Variants in RYR2 observed in about 807,000 individuals in gnomAD.
The protein encoded by RYR2 is ryanodine receptor 2.
RYR2 carries 227 observed loss-of-function variants against 601.1 expected under a neutral mutation model. That is an observed-to-expected ratio of 0.38 (90% confidence interval 0.34 to 0.42). The LOEUF (loss-of-function observed/expected upper bound fraction) is 0.42. Ranked by LOEUF, RYR2 falls within the 10% of genes least tolerant of loss-of-function variation. RYR2 has a pLI of 1.00. For missense variants in RYR2, 4,646 were observed against 6,156.5 expected (o/e 0.75, Z 8.21); for synonymous variants, 2,223 against 2,175.1 (o/e 1.02, Z -0.61).
chr1:237,208,581 T>G (rs1445956158), intron 1 of RYR2, among the ~76,000 whole-genome samples: 1 of 152,090 alleles, frequency 6.6e-6, no homozygotes, highest in African/African-American at 2.4e-5. Context: ...GGTGGCATAA[T>G]TGTCAAAAAT....
chr1:237,813,267 C>T (rs1200403490), intron 100 of RYR2, among the ~76,000 whole-genome samples: 8 of 152,220 alleles, frequency 5.3e-5, no homozygotes, highest in East Asian at 1.9e-4. Context: ...GACAAACACC[C>T]GACAAAATTT....
At chr1:237,831,088 A>C (rs1045171795) in intron 103 of RYR2, among the ~76,000 whole-genome samples, 1 of 152,198 alleles carries the variant, frequency 6.6e-6, no homozygotes, top group Non-Finnish European at 1.5e-5. Context: ...GATTAGCCAA[A>C]AGTATAGTTT....
intron 2 of RYR2, among the ~76,000 whole-genome samples, chr1:237,285,748 GCTAGGAGGGTTGTATTTTT>G (rs2149399469): frequency 6.6e-6 from 1 of 152,220 alleles, no homozygotes; most frequent in East Asian, 1.9e-4. Context: ...CCTGATTTAA[GCTAGGAGGGTTGTATTTTT>G]CCAGGAATTC....
chr1:237,648,863 G>A (rs1025842716), intron 49 of RYR2, among the ~76,000 whole-genome samples: 1 of 152,144 alleles, frequency 6.6e-6, no homozygotes, highest in African/African-American at 2.4e-5. Context: ...TTCTGATAAG[G>A]TGCTATATGG....
chr1:237,745,203 G>A (rs1443158181), intron 80 of RYR2, among the ~76,000 whole-genome samples: 1 of 152,092 alleles, frequency 6.6e-6, no homozygotes, highest in African/African-American at 2.4e-5. Flanking sequence ...TATACTATCA[G>A]ATGCAGCTCT....
rs1246253998 is a variant in RYR2, at chr1:237,784,302, TC to T, written c.12591del (p.Phe4198LeufsTer14). On this transcript the variant is annotated frameshift_variant, in exon 90 of 105. Transcript: ENST00000366574. LOFTEE classifies it high-confidence loss of function. The surrounding 1 kb of genome is among the most constrained non-coding windows in gnomAD (Gnocchi z 7.1). ...TTTGTGAACTTCTGCGAGGACACCATCTTTGAAATGCAGCTGGCGGCTCAGA... is the reference window on the plus strand; with the variant it reads ...TTTGTGAACTTCTGCGAGGACACCATTTTGAAATGCAGCTGGCGGCTCAGA... The part of the protein sequence containing the change: ...ELFVNFCEDT[I>X]FEMQLAAQIS... 6.2e-7 allele frequency: 1 copy of T among 1,613,632 alleles called. No individual in the cohort carries two copies. The highest frequency in any genetic ancestry group is 1.7e-5 in the Admixed American group (1 of 59,964).
chr1:237,777,709 C>T (rs1283927107), intron 87 of RYR2, among the ~76,000 whole-genome samples: 2 of 152,108 alleles, frequency 1.3e-5, no homozygotes, highest in African/African-American at 4.8e-5. Flanking sequence ...GAAGTGTCAG[C>T]TAAGAGAACA....
chr1:237,202,126 G>A (rs1681263581), intron 1 of RYR2, among the ~76,000 whole-genome samples: 2 of 152,200 alleles, frequency 1.3e-5, no homozygotes, highest in African/African-American at 2.4e-5. Flanking sequence ...ACACAAAAAA[G>A]TAGTTTTATC....
At chr1:237,330,824 T>A in intron 2 of RYR2, 54 bp from the exon 3 acceptor site, 1 of 1,389,272 alleles carries the variant, frequency 7.2e-7, no homozygotes. Context: ...GTAAGCTGGG[T>A]CTGGATGCTT....
chr1:237,832,037 T>C (rs757417714), intron 104 of RYR2, among the ~76,000 whole-genome samples: 2 of 152,128 alleles, frequency 1.3e-5, no homozygotes, highest in Non-Finnish European at 2.9e-5. Flanking sequence ...TAAATGTATA[T>C]ATATACACAC....
chr1:237,792,378 T>TGTGTGC (rs1558425718), intron 94 of RYR2, 55 bp downstream of exon 94: 2 of 864,718 alleles, frequency 2.3e-6, no homozygotes, highest in Non-Finnish European at 3.4e-6. Flanking sequence ...TGTGTGTGTG[T>TGTGTGC]GTGCGTGTGT....
At chr1:237,584,932 G>A (rs1674361470) in intron 29 of RYR2, among the ~76,000 whole-genome samples, 1 of 151,740 alleles carries the variant, frequency 6.6e-6, no homozygotes, top group Admixed American at 6.6e-5. Context: ...GTAGAATCAG[G>A]GTCTCGCCAT....
intron 1 of RYR2, among the ~76,000 whole-genome samples, chr1:237,148,525 A>ATTTATTT: frequency 1.2e-5 from 1 of 81,540 alleles, no homozygotes; most frequent in African/African-American, 4.6e-5. Flanking sequence ...TAAAAAAAAA[A>ATTTATTT]AAATATATAT....
chr1:237,340,343 A>G (rs1015711682), intron 3 of RYR2, among the ~76,000 whole-genome samples: 7 of 152,224 alleles, frequency 4.6e-5, no homozygotes, highest in Non-Finnish European at 7.3e-5. Context: ...GGGGACAGGT[A>G]TGAATAACAA....
intron 35 of RYR2, among the ~76,000 whole-genome samples, chr1:237,602,722 A>G (rs1207080409): frequency 2.0e-5 from 3 of 152,238 alleles, no homozygotes; most frequent in African/African-American, 7.2e-5. Context: ...GATAAAAGGT[A>G]GAACAAGTCC....
At chr1:237,297,070 G>A (rs560669154) in intron 2 of RYR2, among the ~76,000 whole-genome samples, 1 of 152,248 alleles carries the variant, frequency 6.6e-6, no homozygotes, top group Admixed American at 6.5e-5. Context: ...CGTAACAAAT[G>A]AATGTATCTG....
intron 27 of RYR2, among the ~76,000 whole-genome samples, chr1:237,561,956 C>T (rs1339137276): frequency 4.6e-5 from 7 of 152,048 alleles, no homozygotes; most frequent in Non-Finnish European, 2.9e-5. Context: ...CTGATTATCA[C>T]TAAGAGGAGA....
intron 5 of RYR2, among the ~76,000 whole-genome samples, chr1:237,367,486 A>C (rs1262581015): frequency 6.6e-6 from 1 of 152,200 alleles, no homozygotes; most frequent in Non-Finnish European, 1.5e-5. Context: ...AACAAAACAT[A>C]AAGTTATTTT....
At chr1:237,159,068 G>A (rs140323228) in intron 1 of RYR2, among the ~76,000 whole-genome samples, 40 of 152,256 alleles carry the variant, frequency 2.6e-4, no homozygotes, top group African/African-American at 9.6e-4. Flanking sequence ...CGAGGCGGGC[G>A]GATCACCTGA....
Sources: allele counts gnomAD v4.1 joint callset (sites outside exome capture counted in the v4.1 genomes callset), GRCh38; gene constraint gnomAD v4.1.1; non-coding constraint Gnocchi (gnomAD v3.1); transcripts MANE v1.5; gene names NCBI Gene and HGNC (gene_info 2026-07-23, HGNC 2026-07-21).